TMEM163: variants seen among roughly 807,000 people sequenced by gnomAD.
The protein encoded by TMEM163 is transmembrane protein 163.
A neutral mutation model predicts 29.3 loss-of-function variants in TMEM163; 17 were observed. The observed-to-expected ratio is 0.58, with a 90% CI of 0.40 to 0.87. The LOEUF is 0.87. TMEM163 is among the 40% of genes least tolerant of loss of function. The probability of loss-of-function intolerance (pLI) is 0.00; values close to 1 mark genes in which losing one functional copy is unlikely to be tolerated. For synonymous variants in TMEM163, 157 were observed against 160.6 expected (o/e 0.98, Z 0.17); for missense variants, 303 against 381.5 (o/e 0.79, Z 1.71).
intron 6 of TMEM163, among the ~76,000 whole-genome samples, chr2:134,462,020 G>C (rs1686551623): frequency 6.6e-6 from 1 of 152,206 alleles, no homozygotes; most frequent in South Asian, 2.1e-4. Context: ...CCAGATCCCA[G>C]ATAGTACAAT....
chr2:134,537,644 G>C (rs60570360), intron 4 of TMEM163, among the ~76,000 whole-genome samples: 2,865 of 152,270 alleles, frequency 0.019, 50 homozygotes, highest in African/African-American at 0.037. Context: ...TTCTAAAGGA[G>C]ATCTTTGCAT....
chr2:134,663,728 C>T (rs1683808629), intron 2 of TMEM163, among the ~76,000 whole-genome samples: 1 of 152,240 alleles, frequency 6.6e-6, no homozygotes, highest in South Asian at 2.1e-4. Context: ...TGTCTCCACC[C>T]AACAGGTGAG....
chr2:134,586,213 TA>T (rs1438601878), intron 2 of TMEM163, among the ~76,000 whole-genome samples: 1 of 152,224 alleles, frequency 6.6e-6, no homozygotes, highest in Non-Finnish European at 1.5e-5. Context: ...AAGCTTGTAT[TA>T]GTTGGCAAGG....
intron 2 of TMEM163, among the ~76,000 whole-genome samples, chr2:134,695,846 T>C (rs1199892739): frequency 6.6e-6 from 1 of 152,074 alleles, no homozygotes; most frequent in Non-Finnish European, 1.5e-5. Flanking sequence ...AGGTCAGGAG[T>C]TCCAGACCAG....
chr2:134,593,940 C>CA (rs1317069157), intron 2 of TMEM163, among the ~76,000 whole-genome samples: 1 of 151,870 alleles, frequency 6.6e-6, no homozygotes, highest in Non-Finnish European at 1.5e-5. Flanking sequence ...GCAGGGGAGG[C>CA]ATAGAAACCA....
intron 2 of TMEM163, among the ~76,000 whole-genome samples, chr2:134,594,851 GTCTC>G (rs70973456): frequency 0.018 from 2,619 of 147,870 alleles, 77 homozygotes; most frequent in African/African-American, 0.051. Context: ...GAGACCTTGA[GTCTC>G]TCTCTCTCTC....
Position 134,456,701 on chromosome 2 carries a change from G to A in TMEM163, c.*15C>T, listed in dbSNP as rs201736862. On this transcript the variant is annotated 3_prime_UTR_variant, in exon 8 of 8. Coordinates refer to ENST00000281924, the MANE Select transcript of TMEM163 (RefSeq NM_030923.5). ...ACTCCTCATCTCGATGGTCTCATGC[G>A]GATGCTGGCCCCCTTCACTCAAACA... 7.3e-5 allele frequency: 118 copies of A among 1,613,664 alleles called. No individual in the cohort carries two copies. Among genetic ancestry groups the A allele is most frequent in the Middle Eastern group, 3.3e-4 (2 of 6,062 alleles).
chr2:134,619,087 C>A, intron 2 of TMEM163, among the ~76,000 whole-genome samples: 1 of 151,930 alleles, frequency 6.6e-6, no homozygotes, highest in Admixed American at 6.6e-5. Context: ...TGATAACAGC[C>A]CTACATATGC....
chr2:134,665,484 A>G (rs1429091420), intron 2 of TMEM163, among the ~76,000 whole-genome samples: 1 of 152,178 alleles, frequency 6.6e-6, no homozygotes, highest in Admixed American at 6.5e-5. Flanking sequence ...TACAGGAGCT[A>G]CAATTCAAGA....
At chr2:134,471,624 A>G (rs1221661515) in intron 5 of TMEM163, among the ~76,000 whole-genome samples, 1 of 152,214 alleles carries the variant, frequency 6.6e-6, no homozygotes, top group Non-Finnish European at 1.5e-5. Context: ...AGTTTCTGAG[A>G]AGATTCCTTT....
intron 5 of TMEM163, among the ~76,000 whole-genome samples, chr2:134,473,691 G>A (rs991145566): frequency 7.9e-5 from 12 of 152,084 alleles, no homozygotes; most frequent in African/African-American, 2.9e-4. Flanking sequence ...CCAATATCAG[G>A]AATGAGAGAA....
rs538766958 is a variant in TMEM163 at position 134,587,214 on chromosome 2, C to T, written c.323-35123G>A. 1.7e-3 allele frequency among the ~76,000 whole-genome samples: 253 copies of T among 152,226 alleles called. 3 individuals carry two copies. The highest frequency in any genetic ancestry group is 2.0e-3 in the Admixed American group (31 of 15,294). On this transcript the variant is annotated intron_variant, in intron 2 of 7. Coordinates refer to ENST00000281924, the MANE Select transcript of TMEM163 (RefSeq NM_030923.5). ...TCACCTGAGGTCAGGAGTTCGAGAC[C>T]AACCTGGCCAACATGGTGAGGCCCC... is the stretch of plus-strand genomic sequence containing the variant.
chr2:134,577,258 T>A (rs1036814640), intron 2 of TMEM163, among the ~76,000 whole-genome samples: 1 of 152,214 alleles, frequency 6.6e-6, no homozygotes, highest in Non-Finnish European at 1.5e-5. Context: ...AGAGCCCAAA[T>A]CTGTGTTCTT....
At chr2:134,593,538 C>T (rs1290304334) in intron 2 of TMEM163, among the ~76,000 whole-genome samples, 1 of 152,076 alleles carries the variant, frequency 6.6e-6, no homozygotes, top group Non-Finnish European at 1.5e-5. Context: ...AGGAGATGGC[C>T]GAAGAAGGTG....
chr2:134,514,131 G>A (rs1335266461), intron 4 of TMEM163, among the ~76,000 whole-genome samples: 1 of 152,196 alleles, frequency 6.6e-6, no homozygotes, highest in African/African-American at 2.4e-5. Context: ...CTTGATGGAG[G>A]AGTGACAAGG....
At chr2:134,570,311 T>G (rs1681390751) in intron 2 of TMEM163, among the ~76,000 whole-genome samples, 1 of 152,250 alleles carries the variant, frequency 6.6e-6, no homozygotes, top group East Asian at 1.9e-4. Flanking sequence ...GATAAGTGCT[T>G]AGTTAAGATG....
chr2:134,630,092 C>T (rs867444630), intron 2 of TMEM163, among the ~76,000 whole-genome samples: 1 of 152,188 alleles, frequency 6.6e-6, no homozygotes, highest in South Asian at 2.1e-4. Context: ...GGACTGTTCA[C>T]GGTGCCTAAC....
intron 2 of TMEM163, among the ~76,000 whole-genome samples, chr2:134,557,463 A>C (rs768908624): frequency 6.6e-6 from 1 of 152,220 alleles, no homozygotes; most frequent in African/African-American, 2.4e-5. Flanking sequence ...AAAGTGGTCC[A>C]GGCACAGCTT....
At chr2:134,621,108 T>C (rs571026919) in intron 2 of TMEM163, among the ~76,000 whole-genome samples, 3 of 152,228 alleles carry the variant, frequency 2.0e-5, no homozygotes, top group Non-Finnish European at 1.5e-5. Context: ...CCAGAATATA[T>C]ATCCCTCGTA....
Sources: allele counts gnomAD v4.1 joint callset (sites outside exome capture counted in the v4.1 genomes callset), GRCh38; gene constraint gnomAD v4.1.1; transcripts MANE v1.5; gene names NCBI Gene and HGNC (gene_info 2026-07-23, HGNC 2026-07-21).